SUGCT: variants seen among roughly 807,000 people sequenced by gnomAD.
SUGCT encodes succinyl-CoA:glutarate-CoA transferase.
A neutral mutation model predicts 55.0 loss-of-function variants in SUGCT; 41 were observed. The ratio of observed to expected loss-of-function variants is 0.74; its 90% CI spans 0.58 to 0.97. The LOEUF (loss-of-function observed/expected upper bound fraction) is 0.97. Among genes scored for constraint, SUGCT ranks in the 50% least tolerant of loss-of-function variants. The pLI is 0.00. For missense variants in SUGCT, 568 were observed against 547.8 expected (o/e 1.04, Z -0.37); for synonymous variants, 187 against 200.4 (o/e 0.93, Z 0.56).
rs146947067 is a variant in SUGCT, at chr7:40,817,366, G to T, written c.1154-42950G>T. Among the ~76,000 whole-genome samples the T allele has an allele frequency of 2.2e-3, 329 of 152,218 alleles. 1 individual carries two copies. Among genetic ancestry groups the T allele is most frequent in the African/African-American group, 7.8e-3 (323 of 41,546 alleles). ...GAGCAGGAACACCCAAGTCACTGGG[G>T]AGTCGGGGGAAAAAACCCTGAATAA... On this transcript the variant is annotated intron_variant, in intron 13 of 13. Coordinates refer to ENST00000335693, the MANE Select transcript of SUGCT (RefSeq NM_001193313.2).
chr7:40,723,215 G>A (rs188857632), intron 12 of SUGCT, among the ~76,000 whole-genome samples: 15 of 151,926 alleles, frequency 9.9e-5, no homozygotes, highest in Admixed American at 2.0e-4. Flanking sequence ...AATTTTAGCA[G>A]GAGGTAAAGG....
chr7:40,542,244 G>GTCATCA (rs138605949), intron 12 of SUGCT, among the ~76,000 whole-genome samples: 4 of 151,954 alleles, frequency 2.6e-5, no homozygotes, highest in Admixed American at 6.6e-5. Context: ...CATAACCATC[G>GTCATCA]TCATCATCAT....
chr7:40,945,683 C>T, the SUGCT span, among the ~76,000 whole-genome samples: 1 of 152,318 alleles, frequency 6.6e-6, no homozygotes, highest in African/African-American at 2.4e-5. Flanking sequence ...AGTTCTGAGA[C>T]TCAACGTCTG....
the SUGCT span, among the ~76,000 whole-genome samples, chr7:40,997,642 G>C: frequency 6.6e-6 from 1 of 152,070 alleles, no homozygotes; most frequent in African/African-American, 2.4e-5. Flanking sequence ...CTTCTCAAAC[G>C]CATCACCCTG....
chr7:40,409,286 C>A (rs1786542453), intron 9 of SUGCT, among the ~76,000 whole-genome samples: 1 of 151,250 alleles, frequency 6.6e-6, no homozygotes, highest in Non-Finnish European at 1.5e-5. Flanking sequence ...TTTTTTGAGA[C>A]AGGGTCTTGC....
the SUGCT span, among the ~76,000 whole-genome samples, chr7:40,936,932 C>A: frequency 6.6e-6 from 1 of 151,996 alleles, no homozygotes; most frequent in African/African-American, 2.4e-5. Context: ...GTATTGATTT[C>A]TAATTTCATT....
rs182368537 is a variant in SUGCT at position 40,711,155 on chromosome 7, C to T, written c.1090-38279C>T. ...AGAAACTCAGGAGAAGTGACCACTG[C>T]GCTGCCCAAGAGAGGACAACTTTTC... On this transcript the variant is annotated intron_variant, in intron 12 of 13. Transcript: ENST00000335693. Among the ~76,000 whole-genome samples, 16 of 152,306 alleles carry T rather than the reference C, an allele frequency of 1.1e-4. No homozygotes were observed. The East Asian group carries it at 1.5e-3, about 15-fold the overall frequency.
intron 9 of SUGCT, among the ~76,000 whole-genome samples, chr7:40,415,249 A>G (rs1786932736): frequency 7.1e-6 from 1 of 140,164 alleles, no homozygotes; most frequent in Non-Finnish European, 1.5e-5. Flanking sequence ...CAACGTGGAG[A>G]CAGAATGAGA....
At chr7:40,289,092 G>C (rs1460965564) in intron 8 of SUGCT, among the ~76,000 whole-genome samples, 2 of 152,056 alleles carry the variant, frequency 1.3e-5, no homozygotes, top group Non-Finnish European at 2.9e-5. Context: ...AGATGTCAAC[G>C]TCCTTATCCC....
At chr7:40,304,802 A>G (rs1216426086) in intron 8 of SUGCT, among the ~76,000 whole-genome samples, 1 of 151,262 alleles carries the variant, frequency 6.6e-6, no homozygotes, top group African/African-American at 2.4e-5. Context: ...ATTCCTTTTT[A>G]TGGCTGAGTA....
the SUGCT span, among the ~76,000 whole-genome samples, chr7:40,986,456 T>C: frequency 2.0e-5 from 3 of 152,186 alleles, no homozygotes; most frequent in South Asian, 2.1e-4. Flanking sequence ...TCATCATCTA[T>C]TACACAGTAA....
intron 12 of SUGCT, among the ~76,000 whole-genome samples, chr7:40,678,933 A>T (rs999906868): frequency 2.6e-5 from 4 of 152,232 alleles, no homozygotes; most frequent in African/African-American, 9.6e-5. Flanking sequence ...ATAAATAAAT[A>T]GAAAACTTAG....
At chr7:40,360,391 A>T (rs1014644309) in intron 9 of SUGCT, among the ~76,000 whole-genome samples, 1 of 152,122 alleles carries the variant, frequency 6.6e-6, no homozygotes, top group African/African-American at 2.4e-5. Context: ...TTTCATTGAG[A>T]TTTGTGAAGA....
At chr7:40,167,763 A>T (rs1003317128) in intron 1 of SUGCT, among the ~76,000 whole-genome samples, 48 of 152,210 alleles carry the variant, frequency 3.2e-4, no homozygotes, top group Admixed American at 2.0e-3. Context: ...TGGATCAGAA[A>T]CACAGCGGAC....
intron 1 of SUGCT, among the ~76,000 whole-genome samples, chr7:40,174,546 G>C (rs932862861): frequency 1.2e-4 from 19 of 152,334 alleles, no homozygotes; most frequent in African/African-American, 4.3e-4. Context: ...GCTCAGGTGA[G>C]AGGATTGCTT....
the SUGCT span, among the ~76,000 whole-genome samples, chr7:41,036,465 G>T: frequency 6.6e-6 from 1 of 152,094 alleles, no homozygotes; most frequent in East Asian, 1.9e-4. Flanking sequence ...ATGAGCTCTT[G>T]GCAGCATTTA....
At chr7:40,578,128 G>A (rs1057240857) in intron 12 of SUGCT, among the ~76,000 whole-genome samples, 3 of 152,038 alleles carry the variant, frequency 2.0e-5, no homozygotes, top group Non-Finnish European at 2.9e-5. Context: ...CACAGATTGC[G>A]GGGCCTCACC....
chr7:40,503,958 A>C (rs371187512), intron 12 of SUGCT, among the ~76,000 whole-genome samples: 105 of 152,332 alleles, frequency 6.9e-4, no homozygotes, highest in African/African-American at 2.5e-3. Flanking sequence ...GAAAACACTA[A>C]AATTTCCAAG....
In SUGCT at chr7:40,539,242, A is replaced by G. The variant is rs1381028950; in HGVS notation, c.1089+42856A>G. 2.6e-5 allele frequency: 4 copies of G among 152,198 alleles called. No homozygotes were observed. The East Asian group carries it at 7.7e-4, about 29-fold the overall frequency. The allele number at this position is 152,198 out of a possible 1,614,324, so 9.4% of individuals were successfully genotyped here. A position where few individuals can be genotyped will look rare whatever the true frequency, so the allele number is the denominator to read the frequency against. On this transcript the variant is annotated intron_variant, in intron 12 of 13. Transcript: ENST00000335693. ...CACAGAGACAAAAGATTGCTGACCTATAAATGGCTCTAAATGGAAGTCCAA... is the reference window on the plus strand; with the variant it reads ...CACAGAGACAAAAGATTGCTGACCTGTAAATGGCTCTAAATGGAAGTCCAA...
Sources: gnomAD v4.1 joint callset for allele counts (sites outside exome capture counted in the v4.1 genomes callset) on GRCh38, gnomAD v4.1.1 for gene constraint, MANE v1.5 for transcripts, NCBI Gene and HGNC (gene_info 2026-07-23, HGNC 2026-07-21) for gene names.